Variants in MYBL2 observed in about 807,000 individuals in gnomAD.
MYBL2 encodes myb-related protein B.
In MYBL2, 28 loss-of-function variants were observed where a neutral mutation model predicts 79.9. That is an observed-to-expected ratio of 0.35 (90% CI 0.26 to 0.48). The LOEUF (loss-of-function observed/expected upper bound fraction) is 0.48, where lower values mean the gene tolerates loss of function less well. Among genes scored for constraint, MYBL2 ranks in the 20% least tolerant of loss-of-function variants. MYBL2 has a pLI of 0.99. For synonymous variants in MYBL2, 378 were observed against 361.2 expected, an observed-to-expected ratio of 1.05 and a Z score of -0.53; for missense variants, 735 against 893.9, an observed-to-expected ratio of 0.82 and a Z score of 2.27.
At chr20:43,692,448 G>C (rs1987436017) in intron 6 of MYBL2, 129 bp downstream of exon 6, 2 of 1,175,606 alleles carry the variant, frequency 1.7e-6, no homozygotes, top group African/African-American at 1.5e-5. Context: ...CTGTGCTTCT[G>C]GGGCCTTGTG....
intron 1 of MYBL2, among the ~76,000 whole-genome samples, chr20:43,668,982 G>T (rs141880566): frequency 3.3e-5 from 5 of 152,184 alleles, no homozygotes; most frequent in Non-Finnish European, 5.9e-5. Context: ...TTCTGTCTCA[G>T]CCTCCCAAGT....
chr20:43,692,660 G>T (rs373547516), intron 6 of MYBL2, among the ~76,000 whole-genome samples: 5 of 152,170 alleles, frequency 3.3e-5, no homozygotes, highest in Admixed American at 3.3e-4. Context: ...GTGGCTGGGT[G>T]CGTTGGTTCA....
chr20:43,693,575 G>C (rs1184215568), intron 6 of MYBL2, among the ~76,000 whole-genome samples: 2 of 152,044 alleles, frequency 1.3e-5, no homozygotes, highest in South Asian at 2.1e-4. Flanking sequence ...GACTTCAAAT[G>C]ATCCACCCAC....
Position 43,668,939 on chromosome 20 carries a change from T to C in MYBL2, c.20+1636T>C, listed in dbSNP as rs887570244. Among the ~76,000 whole-genome samples the C allele has an allele frequency of 1.3e-4, 20 of 152,052 alleles. 1 individual carries two copies. Among genetic ancestry groups the C allele is most frequent in the Admixed American group, 1.1e-3 (17 of 15,258 alleles). On this transcript the variant is annotated intron_variant, in intron 1 of 13. Coordinates refer to ENST00000217026, the MANE Select transcript of MYBL2 (RefSeq NM_002466.4). ...TGGAGTGCAGTGGCACAATCTCGGC[T>C]CACTGCAGCCTCTGCCTCCCGGGTT...
chr20:43,702,485 G>GAC lies in MYBL2; in HGVS notation c.952-3_952-2dup. ...TTGCAATTCCTAACCTCCCTCCCTG[G>GAC]ACAGGACCCTGATGCTTGGTGTGAC... On this transcript the variant is annotated splice_polypyrimidine_tract_variant and splice_region_variant and intron_variant, in intron 7 of 13. Coordinates refer to ENST00000217026, the MANE Select transcript of MYBL2 (RefSeq NM_002466.4). 5.0e-6 allele frequency: 8 copies of GAC among 1,590,522 alleles called. No homozygotes were observed. Among genetic ancestry groups the GAC allele is most frequent in the Non-Finnish European group, 6.9e-6 (8 of 1,162,216 alleles).
At chr20:43,683,593 G>T (rs1277888345) in intron 4 of MYBL2, among the ~76,000 whole-genome samples, 1 of 142,458 alleles carries the variant, frequency 7.0e-6, no homozygotes, top group Non-Finnish European at 1.5e-5. Flanking sequence ...TTGCTTTGTC[G>T]CTCAGGTTAG....
chr20:43,704,740 C>G (rs999362273), intron 8 of MYBL2, among the ~76,000 whole-genome samples: 5 of 152,196 alleles, frequency 3.3e-5, no homozygotes, highest in Non-Finnish European at 7.3e-5. Flanking sequence ...GTAATAGTGC[C>G]TATGTCTCAG....
chr20:43,707,742 G>A (rs1056240799), intron 9 of MYBL2, among the ~76,000 whole-genome samples: 2 of 152,030 alleles, frequency 1.3e-5, no homozygotes, highest in African/African-American at 4.8e-5. Flanking sequence ...CAGGCTGTAT[G>A]GTGGTGTGGT....
chr20:43,689,507 G>T (rs1160117657), intron 5 of MYBL2, among the ~76,000 whole-genome samples: 4 of 152,074 alleles, frequency 2.6e-5, no homozygotes, highest in Admixed American at 1.3e-4. Flanking sequence ...AGAGCTCCTA[G>T]TGCTCCTCTG....
intron 2 of MYBL2, among the ~76,000 whole-genome samples, chr20:43,677,910 CTG>C (rs1309311583): frequency 6.6e-6 from 1 of 152,188 alleles, no homozygotes; most frequent in Non-Finnish European, 1.5e-5. Context: ...GTTGCCGTGT[CTG>C]TGTAGAAAGA....
intron 11 of MYBL2, 93 bp from the exon 12 acceptor site, chr20:43,712,909 G>A: frequency 1.0e-6 from 1 of 973,144 alleles, no homozygotes; most frequent in Non-Finnish European, 1.6e-6. Flanking sequence ...GCAGGGCCTG[G>A]TTTTGTGACC....
Position 43,715,976 on chromosome 20 carries a change from G to A in MYBL2, c.1992G>A (p.Lys664=), listed in dbSNP as rs560774867. 1.2e-6 allele frequency: 2 copies of A among 1,611,970 alleles called. No homozygotes were observed. The highest frequency in any genetic ancestry group is 4.5e-5 in the East Asian group (2 of 44,860). The change falls in exon 14 of 14, where the codon AAG becomes AAA. Residue 664 remains lysine, a synonymous_variant. Coordinates refer to ENST00000217026, the MANE Select transcript of MYBL2 (RefSeq NM_002466.4). ...TTPAPMSSAW[K]TVACGGTRDQ... is the part of the protein sequence containing the mutation. ...CCTCCCAGATGTCCAGTGCCTGGAA[G>A]ACGGTGGCCTGCGGGGGGACCAGGG...
At chr20:43,670,264 TG>T (rs1986825599) in intron 1 of MYBL2, among the ~76,000 whole-genome samples, 2 of 152,190 alleles carry the variant, frequency 1.3e-5, no homozygotes, top group African/African-American at 2.4e-5. Flanking sequence ...ACGAGCTGTC[TG>T]GGGGCAGTTG....
In MYBL2 at chr20:43,681,168, T is replaced by C. The variant is rs6031031; in HGVS notation, c.115-616T>C. 8.5e-3 allele frequency among the ~76,000 whole-genome samples: 1,298 copies of C among 152,274 alleles called. 9 individuals are homozygous for C. Among genetic ancestry groups the C allele is most frequent in the African/African-American group, 0.029 (1,223 of 41,552 alleles). On this transcript the variant is annotated intron_variant, in intron 2 of 13. Coordinates refer to ENST00000217026, the MANE Select transcript of MYBL2 (RefSeq NM_002466.4). ...AGATACTAGCCTGTCTTCTAACTACTCTTGTTTTTGCCCAGACCTCCAGCT... is the reference window on the plus strand; with the variant it reads ...AGATACTAGCCTGTCTTCTAACTACCCTTGTTTTTGCCCAGACCTCCAGCT...
chr20:43,704,152 T>C (rs1267778110), intron 8 of MYBL2, among the ~76,000 whole-genome samples: 1 of 152,058 alleles, frequency 6.6e-6, no homozygotes, highest in African/African-American at 2.4e-5. Flanking sequence ...CAGCTGAGAT[T>C]ATAGGCATGA....
At position 43,716,378 on chromosome 20, in the gene MYBL2, G is replaced by A; in HGVS notation, c.*291G>A. 4.4e-6 allele frequency: 2 copies of A among 451,456 alleles called. No homozygotes were observed. The highest frequency in any genetic ancestry group is 7.9e-6 in the Non-Finnish European group (2 of 254,432). The allele number at this position is 451,456 out of a possible 1,614,324, so 28.0% of individuals were successfully genotyped here. On this transcript the variant is annotated 3_prime_UTR_variant, in exon 14 of 14. Coordinates refer to ENST00000217026, the MANE Select transcript of MYBL2 (RefSeq NM_002466.4). ...TTCTCCCAAGCCCACGTCAGGCCTG[G>A]CCTCATCTCAGACCCTGCTTAGGAT...
intron 9 of MYBL2, 57 bp downstream of exon 9, chr20:43,705,415 A>G (rs1987758502): frequency 3.3e-6 from 5 of 1,529,458 alleles, no homozygotes; most frequent in Non-Finnish European, 4.4e-6. Context: ...ACACCAGACC[A>G]TGGGCCTTGG....
At chr20:43,705,827 AGTAGCTAGG>A (rs1987769516) in intron 9 of MYBL2, among the ~76,000 whole-genome samples, 1 of 151,994 alleles carries the variant, frequency 6.6e-6, no homozygotes, top group Non-Finnish European at 1.5e-5. Flanking sequence ...CAGCCTCCCG[AGTAGCTAGG>A]ACTACAGGCA....
chr20:43,674,784 G>A (rs527404965), intron 2 of MYBL2, among the ~76,000 whole-genome samples: 166 of 151,872 alleles, frequency 1.1e-3, no homozygotes, highest in African/African-American at 3.7e-3. Flanking sequence ...CACCTGCCTC[G>A]GCCTCCCAAA....
Sources: gnomAD v4.1 joint callset for allele counts (sites outside exome capture counted in the v4.1 genomes callset) on GRCh38, gnomAD v4.1.1 for gene constraint, MANE v1.5 for transcripts, NCBI Gene and HGNC (gene_info 2026-07-23, HGNC 2026-07-21) for gene names.